Variants in DCT observed in about 807,000 individuals in gnomAD.
DCT encodes L-dopachrome tautomerase.
A neutral mutation model predicts 53.0 loss-of-function variants in DCT; 47 were observed. The observed-to-expected ratio is 0.89, with a 90% CI of 0.70 to 1.13. The LOEUF (loss-of-function observed/expected upper bound fraction) is 1.13. DCT is among the 50% of genes most tolerant of loss of function. The pLI is 0.00. For missense variants in DCT, 669 were observed against 637.4 expected (o/e 1.05, Z -0.53); for synonymous variants, 244 against 237.0 (o/e 1.03, Z -0.27).
At chr13:94,540,900 G>A in the DCT span, among the ~76,000 whole-genome samples, 1 of 152,136 alleles carries the variant, frequency 6.6e-6, no homozygotes, top group African/African-American at 2.4e-5. Flanking sequence ...CTCAATCTAA[G>A]TGTCCATCAA....
intron 6 of DCT, among the ~76,000 whole-genome samples, chr13:94,445,481 G>A (rs1273603559): frequency 6.6e-6 from 1 of 152,112 alleles, no homozygotes; most frequent in Non-Finnish European, 1.5e-5. Context: ...ACAGATAGCG[G>A]GCCAGTCCAC....
In DCT at chr13:94,462,022, G is replaced by A. The variant is rs1883828606; in HGVS notation, c.1031C>T (p.Thr344Ile). ...FDNPPFFQNS[T>I]FSFRNALEGF... ...TCAGAGCACCCACCTGAAACTGAAG[G>A]TAGAGTTCTGGAAGAAGGGAGGATT... The change falls in exon 5 of 8, where the codon ACC (threonine) becomes ATC (isoleucine). Residue 344 changes from threonine to isoleucine, a missense_variant. Coordinates refer to ENST00000377028, the MANE Select transcript of DCT (RefSeq NM_001922.5). The A allele has an allele frequency of 6.2e-7, 1 of 1,613,384 alleles. No homozygotes were observed. The highest frequency in any genetic ancestry group is 8.5e-7 in the Non-Finnish European group (1 of 1,179,862).
At chr13:94,446,782 AT>A (rs1319287590) in intron 6 of DCT, among the ~76,000 whole-genome samples, 1 of 152,132 alleles carries the variant, frequency 6.6e-6, no homozygotes, top group Non-Finnish European at 1.5e-5. Flanking sequence ...AATCTTTGGC[AT>A]TCCTTGCCTT....
Position 94,439,870 on chromosome 13 carries a change from C to A in DCT, c.*28G>T. 5 of 1,583,248 alleles carry A rather than the reference C, an allele frequency of 3.2e-6. No individual in the cohort carries two copies. Among genetic ancestry groups the A allele is most frequent in the Non-Finnish European group, 4.3e-6 (5 of 1,163,618 alleles). Reference sequence around the variant, plus strand: ...GCGTCAGAACTGTGGCTTGGCCAGCCTCTTCTCTTAGGTAAGGCATGAGCA... The same window carrying A: ...GCGTCAGAACTGTGGCTTGGCCAGCATCTTCTCTTAGGTAAGGCATGAGCA... On this transcript the variant is annotated 3_prime_UTR_variant, in exon 8 of 8. Coordinates refer to ENST00000377028, the MANE Select transcript of DCT (RefSeq NM_001922.5).
chr13:94,496,893 G>A, the DCT span, among the ~76,000 whole-genome samples: 1 of 152,146 alleles, frequency 6.6e-6, no homozygotes, highest in African/African-American at 2.4e-5. Flanking sequence ...AAAGCTGCAG[G>A]CCTCAGTGCT....
At chr13:94,484,203 G>A (rs1885567798), upstream of DCT, among the ~76,000 whole-genome samples, 1 of 152,186 alleles carries the variant, frequency 6.6e-6, no homozygotes, top group Non-Finnish European at 1.5e-5. Flanking sequence ...GTAGAGGTCA[G>A]TGATGGGCCA....
chr13:94,544,562 G>A, the DCT span, among the ~76,000 whole-genome samples: 1 of 152,140 alleles, frequency 6.6e-6, no homozygotes, highest in Non-Finnish European at 1.5e-5. Flanking sequence ...GCTGTCTGTG[G>A]GCCCTCGCCT....
chr13:94,451,844 AG>A (rs1190745738), intron 6 of DCT, among the ~76,000 whole-genome samples: 2 of 152,196 alleles, frequency 1.3e-5, no homozygotes, highest in Non-Finnish European at 2.9e-5. Context: ...AAATATTAAA[AG>A]AAAATGTTGT....
chr13:94,457,369 C>T (rs1883477652), intron 6 of DCT, among the ~76,000 whole-genome samples: 1 of 152,166 alleles, frequency 6.6e-6, no homozygotes, highest in Non-Finnish European at 1.5e-5. Context: ...AGTTTATTCT[C>T]TCTCTCCCTC....
the DCT span, among the ~76,000 whole-genome samples, chr13:94,512,200 C>T: frequency 3.9e-5 from 6 of 152,242 alleles, no homozygotes; most frequent in Admixed American, 2.6e-4. Flanking sequence ...AGGGATTGAG[C>T]AGTTACTACA....
chr13:94,497,789 C>T, the DCT span, among the ~76,000 whole-genome samples: 1 of 151,884 alleles, frequency 6.6e-6, no homozygotes, highest in African/African-American at 2.4e-5. Flanking sequence ...GAGAGGCAGG[C>T]ATGCTCCATG....
rs1036519457 is a variant in DCT at position 94,438,734 on chromosome 13, T to G, written c.*1164A>C. 1 of 446,892 alleles carries G rather than the reference T, an allele frequency of 2.2e-6. No homozygotes were observed. The highest frequency in any genetic ancestry group is 2.0e-5 in the African/African-American group (1 of 49,884). 27.7% of individuals were successfully genotyped at this position (446,892 alleles called of 1,614,324 possible). ...AAGATTGTCTCATTCTTATTCCTCA[T>G]GATCTGATGATTGCATAGCAGAATA... On this transcript the variant is annotated 3_prime_UTR_variant, in exon 8 of 8. Coordinates refer to ENST00000377028, the MANE Select transcript of DCT (RefSeq NM_001922.5).
chr13:94,485,131 G>A, the DCT span, among the ~76,000 whole-genome samples: 1 of 151,448 alleles, frequency 6.6e-6, no homozygotes, highest in African/African-American at 2.4e-5. Context: ...CTGCTGGGGG[G>A]CGGTGGGGGG....
upstream of DCT, among the ~76,000 whole-genome samples, chr13:94,483,952 T>C (rs1885557427): frequency 1.3e-5 from 2 of 152,348 alleles, no homozygotes; most frequent in African/African-American, 2.4e-5. Flanking sequence ...AAGAATTACC[T>C]TGTAAGCTTT....
At chr13:94,504,313 T>G in the DCT span, among the ~76,000 whole-genome samples, 1 of 152,248 alleles carries the variant, frequency 6.6e-6, no homozygotes, top group Non-Finnish European at 1.5e-5. Flanking sequence ...TATCAACTGA[T>G]GCAGTGCACA....
intron 7 of DCT, among the ~76,000 whole-genome samples, chr13:94,441,366 G>GT (rs1439702494): frequency 5.3e-5 from 8 of 152,156 alleles, no homozygotes; most frequent in African/African-American, 1.9e-4. Context: ...TAACATATAT[G>GT]TAACATAAAT....
the DCT span, among the ~76,000 whole-genome samples, chr13:94,491,453 T>C: frequency 6.6e-6 from 1 of 152,192 alleles, no homozygotes; most frequent in East Asian, 1.9e-4. Context: ...AATTATTACC[T>C]GCAATGACCT....
At chr13:94,448,915 AAT>A (rs535402004) in intron 6 of DCT, among the ~76,000 whole-genome samples, 134 of 151,742 alleles carry the variant, frequency 8.8e-4, no homozygotes, top group African/African-American at 3.1e-3. Context: ...AAAAAAAAAT[AAT>A]AATAATAAAT....
intron 6 of DCT, among the ~76,000 whole-genome samples, chr13:94,449,770 T>C (rs1302832794): frequency 1.3e-5 from 2 of 152,206 alleles, no homozygotes; most frequent in Non-Finnish European, 2.9e-5. Flanking sequence ...TACCAAAGAT[T>C]TGAAAACAAA....
Sources: allele counts gnomAD v4.1 joint callset (sites outside exome capture counted in the v4.1 genomes callset), GRCh38; gene constraint gnomAD v4.1.1; transcripts MANE v1.5; gene names NCBI Gene and HGNC (gene_info 2026-07-23, HGNC 2026-07-21).